TNS4: variants seen among roughly 807,000 people sequenced by gnomAD.
The protein encoded by TNS4 is tensin-4.
Under a neutral mutation model 70.4 loss-of-function variants are expected in TNS4, and 46 were observed. That is an observed-to-expected ratio of 0.65 (90% CI 0.52 to 0.84). The LOEUF (loss-of-function observed/expected upper bound fraction) is 0.84, where lower values mean the gene tolerates loss of function less well. Ranked by LOEUF, TNS4 falls within the 40% of genes least tolerant of loss-of-function variation. The probability of loss-of-function intolerance (pLI) is 0.00; values close to 1 mark genes in which losing one functional copy is unlikely to be tolerated. For missense variants in TNS4, 863 were observed against 907.0 expected, an observed-to-expected ratio of 0.95 and a Z score of 0.62; for synonymous variants, 390 against 366.6, an observed-to-expected ratio of 1.06 and a Z score of -0.73.
chr17:40,477,540 T>C lies in TNS4; in HGVS notation c.*48A>G, dbSNP rs747859223. ...CATTCAGGGGGTGGAGGGGGGCTCCTTAGCGAGCCCCTGGAGGTGTTGGTT... is the reference window on the plus strand; with the variant it reads ...CATTCAGGGGGTGGAGGGGGGCTCCCTAGCGAGCCCCTGGAGGTGTTGGTT... On this transcript the variant is annotated 3_prime_UTR_variant, in exon 13 of 13. Transcript: ENST00000254051. 1.1e-5 allele frequency: 18 copies of C among 1,605,054 alleles called. No individual in the cohort carries two copies. The highest frequency in any genetic ancestry group is 2.7e-5 in the African/African-American group (2 of 74,740).
At chr17:40,500,016 C>T (rs903385260) in intron 1 of TNS4, among the ~76,000 whole-genome samples, 1 of 152,196 alleles carries the variant, frequency 6.6e-6, no homozygotes, top group Non-Finnish European at 1.5e-5. Flanking sequence ...GTGATAATAA[C>T]AGACACTGAA....
intron 1 of TNS4, among the ~76,000 whole-genome samples, chr17:40,497,209 T>C (rs954976486): frequency 1.3e-5 from 2 of 151,886 alleles, no homozygotes; most frequent in African/African-American, 4.8e-5. Flanking sequence ...GTTAGGGAGG[T>C]CTTCCTGGAG....
At chr17:40,489,418 C>G (rs1277455841) in intron 2 of TNS4, among the ~76,000 whole-genome samples, 1 of 152,312 alleles carries the variant, frequency 6.6e-6, no homozygotes, top group East Asian at 1.9e-4. Flanking sequence ...GCAACTCTCT[C>G]CTTTGTCTGT....
intron 2 of TNS4, among the ~76,000 whole-genome samples, chr17:40,494,873 C>G (rs1435432362): frequency 1.3e-5 from 2 of 152,180 alleles, no homozygotes; most frequent in African/African-American, 4.8e-5. Flanking sequence ...TAATCATGCA[C>G]CCCTTCACCC....
At chr17:40,479,524 C>T (rs1196149963) in intron 10 of TNS4, 150 bp downstream of exon 10, 2 of 901,672 alleles carry the variant, frequency 2.2e-6, no homozygotes, top group African/African-American at 3.4e-5. Context: ...GGCAGGGAAG[C>T]TGCCTGGAGT....
chr17:40,488,971 T>C lies in TNS4; in HGVS notation c.440-2A>G, dbSNP rs111780314. 22 of 1,558,344 alleles carry C rather than the reference T, an allele frequency of 1.4e-5. No individual in the cohort carries two copies. The highest frequency in any genetic ancestry group is 1.9e-5 in the Non-Finnish European group (22 of 1,155,474). Reference sequence around the variant, plus strand: ...AGGTCACCTCGATGTACTTTATGTCTTTGGGGGAGAAAAGCAGAGCATTGG... The same window carrying C: ...AGGTCACCTCGATGTACTTTATGTCCTTGGGGGAGAAAAGCAGAGCATTGG... On this transcript the variant is annotated splice_acceptor_variant, in intron 2 of 12. Coordinates refer to ENST00000254051, the MANE Select transcript of TNS4 (RefSeq NM_032865.6). LOFTEE classifies it high-confidence loss of function.
At chr17:40,480,476 C>T (rs375295009) in intron 9 of TNS4, among the ~76,000 whole-genome samples, 1 of 152,104 alleles carries the variant, frequency 6.6e-6, no homozygotes, top group Non-Finnish European at 1.5e-5. Flanking sequence ...CCACTCCCCC[C>T]ACCCCCCACC....
intron 6 of TNS4, among the ~76,000 whole-genome samples, 188 bp from the exon 7 acceptor site, chr17:40,482,604 A>ACACACACACACACAGT (rs2143789858): frequency 6.6e-6 from 1 of 151,584 alleles, no homozygotes; most frequent in East Asian, 2.0e-4. Context: ...ACACACACAC[A>ACACACACACACACAGT]CACACACACA....
At chr17:40,500,116 C>T (rs1367620512) in intron 1 of TNS4, among the ~76,000 whole-genome samples, 2 of 152,180 alleles carry the variant, frequency 1.3e-5, no homozygotes, top group Non-Finnish European at 2.9e-5. Context: ...TCATACAACC[C>T]CAACTGTGAA....
At chr17:40,496,978 C>A (rs1215254526) in intron 1 of TNS4, among the ~76,000 whole-genome samples, 1 of 152,144 alleles carries the variant, frequency 6.6e-6, no homozygotes, top group African/African-American at 2.4e-5. Context: ...ATTATTATCC[C>A]ATTTTACAGG....
intron 1 of TNS4, among the ~76,000 whole-genome samples, chr17:40,496,931 G>A (rs747800461): frequency 6.6e-6 from 1 of 152,142 alleles, no homozygotes; most frequent in African/African-American, 2.4e-5. Context: ...TTAGATAAAG[G>A]CTTTAAAAAT....
intron 10 of TNS4, among the ~76,000 whole-genome samples, 193 bp downstream of exon 10, chr17:40,479,481 A>G (rs1472607210): frequency 6.6e-6 from 1 of 152,222 alleles, no homozygotes; most frequent in Non-Finnish European, 1.5e-5. Context: ...CATGATGAAC[A>G]GGGGCTTTGG....
chr17:40,480,852 T>C (rs1441322991), intron 8 of TNS4, 84 bp from the exon 9 acceptor site: 1 of 1,474,136 alleles, frequency 6.8e-7, no homozygotes, highest in South Asian at 1.2e-5. Context: ...GCCTCATGAA[T>C]CCCTTTGAAG....
In TNS4 at chr17:40,476,193, C is replaced by G. The variant is rs1048350371; in HGVS notation, c.*1395G>C. ...AGGGTGGTTTCCTTAGGAACTCAGGCCTGCGGGAGAAATGGTTCCAGCTTC... is the reference window on the plus strand; with the variant it reads ...AGGGTGGTTTCCTTAGGAACTCAGGGCTGCGGGAGAAATGGTTCCAGCTTC... On this transcript the variant is annotated 3_prime_UTR_variant, in exon 13 of 13. Coordinates refer to ENST00000254051, the MANE Select transcript of TNS4 (RefSeq NM_032865.6). 1 of 127,788 alleles carries G rather than the reference C, an allele frequency of 7.8e-6. No homozygotes were observed. The highest frequency in any genetic ancestry group is 2.7e-4 in the East Asian group (1 of 3,682). 7.9% of individuals were successfully genotyped at this position (127,788 alleles called of 1,614,324 possible).
At chr17:40,487,007 A>G in intron 4 of TNS4, 29 bp downstream of exon 4, 1 of 1,603,336 alleles carries the variant, frequency 6.2e-7, no homozygotes, top group Non-Finnish European at 8.5e-7. Context: ...CAAATCTTAC[A>G]TTGCTTCAAA....
chr17:40,501,216 G>A (rs188425348), intron 1 of TNS4, among the ~76,000 whole-genome samples: 8 of 152,302 alleles, frequency 5.3e-5, no homozygotes, highest in African/African-American at 1.2e-4. Context: ...GGAGGCTAAG[G>A]TGGGAGGATC....
intron 2 of TNS4, 81 bp from the exon 3 acceptor site, chr17:40,489,050 G>T: frequency 7.5e-7 from 1 of 1,325,600 alleles, no homozygotes; most frequent in Non-Finnish European, 1.0e-6. Context: ...TATCCTCAAG[G>T]TCATTCTGTC....
rs1307525516 is a variant in TNS4 at position 40,476,287 on chromosome 17, G to A, written c.*1301C>T. ...GCCCAGCTCCTCCAAGCCTCTTAGG[G>A]AAGCGGCCTCTTTGCATTCTTGACT... is the stretch of plus-strand genomic sequence containing the variant. On this transcript the variant is annotated 3_prime_UTR_variant, in exon 13 of 13. Coordinates refer to ENST00000254051, the MANE Select transcript of TNS4 (RefSeq NM_032865.6). The A allele has an allele frequency of 6.6e-6, 1 of 152,160 alleles. No homozygotes were observed. Among genetic ancestry groups the A allele is most frequent in the Non-Finnish European group, 1.5e-5 (1 of 68,096 alleles). The allele number at this position is 152,160 out of a possible 1,614,324, so 9.4% of individuals were successfully genotyped here.
intron 1 of TNS4, among the ~76,000 whole-genome samples, chr17:40,499,598 A>G (rs1597703416): frequency 6.6e-6 from 1 of 152,352 alleles, no homozygotes; most frequent in African/African-American, 2.4e-5. Context: ...TGGCTCCGGT[A>G]GGTCTGATGC....
Sources: gnomAD v4.1 joint callset for allele counts (sites outside exome capture counted in the v4.1 genomes callset) on GRCh38, gnomAD v4.1.1 for gene constraint, MANE v1.5 for transcripts, NCBI Gene and HGNC (gene_info 2026-07-23, HGNC 2026-07-21) for gene names.